MMEL1: variants seen among roughly 807,000 people sequenced by gnomAD.
MMEL1 encodes membrane metallo-endopeptidase-like 1.
In MMEL1, 98 loss-of-function variants were observed where a neutral mutation model predicts 117.1. The observed-to-expected ratio is 0.84, with a 90% CI of 0.71 to 0.99. The LOEUF (loss-of-function observed/expected upper bound fraction) is 0.99. Among genes scored for constraint, MMEL1 ranks in the 50% least tolerant of loss-of-function variants. MMEL1 has a pLI of 0.00. For missense variants in MMEL1, 1,014 were observed against 1,049.1 expected (o/e 0.97, Z 0.46); for synonymous variants, 390 against 415.1 (o/e 0.94, Z 0.74).
rs778003344 is a variant in MMEL1 at position 2,593,872 on chromosome 1, G to A, written c.1809C>T (p.Asn603=). ...FFSKEQPQAL[N]FGGIGMVIGH... The stretch of plus-strand genomic sequence containing the variant: ...CGATCACCATCCCAATGCCTCCAAA[G>A]TTCAAGGCCTGTGGCTGCTCCTTGC... Residue 603 remains asparagine, a synonymous_variant, in exon 19 of 24, where the codon AAC becomes AAT. Transcript: ENST00000378412. 2.8e-5 allele frequency: 45 copies of A among 1,612,868 alleles called. No homozygotes were observed. Among genetic ancestry groups the A allele is most frequent in the Non-Finnish European group, 3.8e-5 (45 of 1,179,458 alleles).
At chr1:2,594,275 A>G in intron 18 of MMEL1, 110 bp downstream of exon 18, 1 of 1,204,162 alleles carries the variant, frequency 8.3e-7, no homozygotes, top group Non-Finnish European at 1.2e-6. Context: ...GAATGTTCCA[A>G]GAACAGGCTG....
rs200855969 is a variant in MMEL1, at chr1:2,629,438, C to T, written c.47G>A (p.Arg16His). The T allele has an allele frequency of 1.7e-4, 260 of 1,544,298 alleles. No homozygotes were observed. In the African/African-American group the frequency reaches 3.1e-3, roughly 19 times the overall value. ...GAACCCCGGGCGCTTCTGCCCTGCA[C>T]GGCCGGCGCTCTCCACCATCCCCAC... is the stretch of plus-strand genomic sequence containing the variant. ...GPVGMVESAGRAGQKRPGFLE... is the reference protein window; with the variant it reads ...GPVGMVESAGHAGQKRPGFLE... Residue 16 changes from arginine (R) to histidine (H), a missense_variant, in exon 2 of 24, where the codon CGT (arginine) becomes CAT (histidine). Coordinates refer to ENST00000378412, the MANE Select transcript of MMEL1 (RefSeq NM_033467.4).
At chr1:2,622,169 C>G (rs1381537949) in intron 2 of MMEL1, among the ~76,000 whole-genome samples, 2 of 152,092 alleles carry the variant, frequency 1.3e-5, no homozygotes, top group African/African-American at 4.8e-5. Context: ...CCCAGGCAAA[C>G]TGAGGGAGGG....
chr1:2,608,413 G>GC (rs1013103308), intron 6 of MMEL1, among the ~76,000 whole-genome samples: 1 of 152,042 alleles, frequency 6.6e-6, no homozygotes, highest in East Asian at 1.9e-4. Flanking sequence ...TGGATAATCT[G>GC]CCCCCCACAC....
chr1:2,625,742 T>C (rs1411784397), intron 2 of MMEL1, among the ~76,000 whole-genome samples: 1 of 152,104 alleles, frequency 6.6e-6, no homozygotes, highest in South Asian at 2.1e-4. Flanking sequence ...ATAAAGTGGG[T>C]CATGCACAGC....
intron 23 of MMEL1, 147 bp from the exon 24 acceptor site, chr1:2,591,236 A>G (rs1327861927): frequency 1.8e-5 from 11 of 612,332 alleles, no homozygotes; most frequent in Admixed American, 3.1e-5. Context: ...CATGAGATAA[A>G]CCCCCATCTG....
At chr1:2,627,521 A>C (rs1638331781) in intron 2 of MMEL1, among the ~76,000 whole-genome samples, 1 of 152,216 alleles carries the variant, frequency 6.6e-6, no homozygotes, top group African/African-American at 2.4e-5. Context: ...GCTTATTTAT[A>C]AAATCGATCA....
In MMEL1 at chr1:2,629,485, C is replaced by T. The variant is rs1481728962; in HGVS notation, c.-1G>A. On this transcript the variant is annotated 5_prime_UTR_variant, in exon 2 of 24. Coordinates refer to ENST00000378412, the MANE Select transcript of MMEL1 (RefSeq NM_033467.4). Reference sequence around the variant, plus strand: ...CCACTGGGCCTTCGGACTTCCCCATCAGCAGGGCTCTGGACGGGAGAGCAC... The same window carrying T: ...CCACTGGGCCTTCGGACTTCCCCATTAGCAGGGCTCTGGACGGGAGAGCAC... 4.0e-6 allele frequency: 6 copies of T among 1,505,408 alleles called. No homozygotes were observed. 93.3% of individuals were successfully genotyped at this position (1,505,408 alleles called of 1,614,324 possible). A position where few individuals can be genotyped will look rare whatever the true frequency, so the allele number is the denominator to read the frequency against.
In MMEL1 at chr1:2,595,956, C is replaced by T. The variant is rs1412346627; in HGVS notation, c.1500+53G>A. ...GTCAGGAGGCTTTGTCGGGGCGGTG[C>T]TGCCCGTGCCCAGATCCAGTCGGGG... is the stretch of plus-strand genomic sequence containing the variant. On this transcript the variant is annotated intron_variant, in intron 15 of 23. Coordinates refer to ENST00000378412, the MANE Select transcript of MMEL1 (RefSeq NM_033467.4). The surrounding 1 kb of genome is among the most constrained non-coding windows in gnomAD (Gnocchi z 4.8). 6.7e-7 allele frequency: 1 copy of T among 1,496,032 alleles called. No homozygotes were observed. Among genetic ancestry groups the T allele is most frequent in the Non-Finnish European group, 9.3e-7 (1 of 1,075,390 alleles). The allele number at this position is 1,496,032 out of a possible 1,614,324, so 92.7% of individuals were successfully genotyped here.
chr1:2,593,468 C>T (rs1000804942), intron 19 of MMEL1, among the ~76,000 whole-genome samples: 6 of 152,198 alleles, frequency 3.9e-5, no homozygotes, highest in South Asian at 2.1e-4. Flanking sequence ...GGATGCTGGC[C>T]GTCTGGAGAG....
At chr1:2,623,631 T>C (rs1219489567) in intron 2 of MMEL1, among the ~76,000 whole-genome samples, 1 of 152,208 alleles carries the variant, frequency 6.6e-6, no homozygotes, top group Non-Finnish European at 1.5e-5. Context: ...CTACATGAGT[T>C]TGGAGTAGCC....
chr1:2,603,933 A>G lies in MMEL1; in HGVS notation c.992T>C (p.Leu331Ser). The change falls in exon 11 of 24, where the codon TTG (leucine) becomes TCG (serine). Residue 331 changes from leucine to serine, a missense_variant. By Grantham distance (145) the Leu-to-Ser change is moderately radical. Coordinates refer to ENST00000378412, the MANE Select transcript of MMEL1 (RefSeq NM_033467.4). The stretch of plus-strand genomic sequence containing the variant: ...CTCCTCCAGTCCCATCCGGTGGTAC[A>G]AGGCGATGACGTCGTGTCTCTCCTC... ...PQEERHDVIALYHRMGLEELQ... is the reference protein window; with the variant it reads ...PQEERHDVIASYHRMGLEELQ... 6.2e-7 allele frequency: 1 copy of G among 1,613,842 alleles called. No individual in the cohort carries two copies. Among genetic ancestry groups the G allele is most frequent in the Non-Finnish European group, 8.5e-7 (1 of 1,179,972 alleles).
At chr1:2,603,055 C>G (rs1198161706) in intron 11 of MMEL1, among the ~76,000 whole-genome samples, 2 of 152,166 alleles carry the variant, frequency 1.3e-5, no homozygotes, top group Non-Finnish European at 2.9e-5. Flanking sequence ...AAGGTGTGTC[C>G]CCGCAGGCCA....
rs777201574 is a variant in MMEL1, at chr1:2,594,907, G to A, written c.1585-14C>T. 32 of 1,604,618 alleles carry A rather than the reference G, an allele frequency of 2.0e-5. No individual in the cohort carries two copies. The highest frequency in any genetic ancestry group is 2.6e-5 in the Non-Finnish European group (30 of 1,171,882). Reference sequence around the variant, plus strand: ...TGAGAAGTTCAGCTACGGGAGAGGGGCAGTCACTGCCAGATGCTGGGGCCG... The same window carrying A: ...TGAGAAGTTCAGCTACGGGAGAGGGACAGTCACTGCCAGATGCTGGGGCCG... On this transcript the variant is annotated splice_polypyrimidine_tract_variant and intron_variant, in intron 16 of 23. Transcript: ENST00000378412.
At chr1:2,597,216 C>T (rs1453606279) in intron 13 of MMEL1, among the ~76,000 whole-genome samples, 2 of 152,116 alleles carry the variant, frequency 1.3e-5, no homozygotes, top group Non-Finnish European at 2.9e-5. Context: ...CCTGCCACAC[C>T]TTCTGGGCTG....
rs1557520267 is a variant in MMEL1 at position 2,594,430 on chromosome 1, C to T, written c.1702G>A (p.Ala568Thr). ...GAGTAGAACGCATTGACCACCGCCGCCCCGATGATCCAGCTGTGATAGACA... is the reference window on the plus strand; with the variant it reads ...GAGTAGAACGCATTGACCACCGCCGTCCCGATGATCCAGCTGTGATAGACA... Reference protein sequence around the residue: ...KVDPNLWIIGAAVVNAFYSPN... With the variant: ...KVDPNLWIIGTAVVNAFYSPN... The change falls in exon 18 of 24, where the codon GCG becomes ACG. Residue 568 changes from alanine (A) to threonine (T), a missense_variant. Transcript: ENST00000378412. The T allele has an allele frequency of 1.3e-6, 2 of 1,551,528 alleles. No homozygotes were observed. The highest frequency in any genetic ancestry group is 1.7e-6 in the Non-Finnish European group (2 of 1,146,944).
At position 2,598,769 on chromosome 1, in the gene MMEL1, T is replaced by C. The variant is rs1644886103; in HGVS notation, c.1063A>G (p.Ile355Val). 1.2e-6 allele frequency: 2 copies of C among 1,613,932 alleles called. No individual in the cohort carries two copies. Among genetic ancestry groups the C allele is most frequent in the Middle Eastern group, 1.7e-4 (1 of 6,060 alleles). Reference sequence around the variant, plus strand: ...TTGACAGAGGATAGCACAGTTTGTATGAACAGAGTCCAGTTAAATCCCTGC... The same window carrying C: ...TTGACAGAGGATAGCACAGTTTGTACGAACAGAGTCCAGTTAAATCCCTGC... Reference protein sequence around the residue: ...GLKGFNWTLFIQTVLSSVKIK... With the variant: ...GLKGFNWTLFVQTVLSSVKIK... The change falls in exon 12 of 24, where the codon ATA (isoleucine) becomes GTA (valine). Residue 355 changes from isoleucine (I) to valine (V), a missense_variant. Physicochemically the swap from Ile to Val is conservative, Grantham distance 29. Transcript: ENST00000378412.
intron 2 of MMEL1, among the ~76,000 whole-genome samples, chr1:2,613,493 A>G (rs1282639525): frequency 1.3e-5 from 2 of 152,166 alleles, no homozygotes; most frequent in East Asian, 3.9e-4. Flanking sequence ...GAAAGTTGAA[A>G]TTGACTGTGG....
At chr1:2,632,840 G>C (rs28713532) in intron 1 of MMEL1, 26 bp downstream of exon 1, 1 of 985,150 alleles carries the variant, frequency 1.0e-6, no homozygotes, top group East Asian at 1.1e-4. Context: ...AAAGCAGGCC[G>C]GGTACCTTCC....
Sources: gnomAD v4.1 joint callset for allele counts (sites outside exome capture counted in the v4.1 genomes callset) on GRCh38, gnomAD v4.1.1 for gene constraint, Gnocchi (gnomAD v3.1) non-coding constraint, MANE v1.5 for transcripts, NCBI Gene and HGNC (gene_info 2026-07-23, HGNC 2026-07-21) for gene names.